The following BRAF variants were observed in gnomAD, a reference collection of about 807,000 sequenced individuals.
The protein encoded by BRAF is serine/threonine-protein kinase B-raf.
In BRAF, 16 loss-of-function variants were observed where a neutral mutation model predicts 104.6. The ratio of observed to expected loss-of-function variants is 0.15; its 90% CI spans 0.10 to 0.23. BRAF has a LOEUF of 0.23. Among genes scored for constraint, BRAF ranks in the 10% least tolerant of loss-of-function variants. BRAF has a pLI of 1.00. For synonymous variants in BRAF, 310 were observed against 341.6 expected (o/e 0.91, Z 1.02); for missense variants, 541 against 937.3 (o/e 0.58, Z 5.52).
intron 3 of BRAF, among the ~76,000 whole-genome samples, chr7:140,827,923 T>TA (rs1314590401): frequency 3.9e-5 from 6 of 152,034 alleles, no homozygotes; most frequent in African/African-American, 1.2e-4. Flanking sequence ...TGAGATGGAG[T>TA]TTTGCTCTTG....
chr7:140,842,180 T>A (rs575721845), intron 2 of BRAF, among the ~76,000 whole-genome samples: 1 of 152,198 alleles, frequency 6.6e-6, no homozygotes, highest in Admixed American at 6.5e-5. Flanking sequence ...GTAAGAATGA[T>A]ACGGTGATTA....
intron 1 of BRAF, among the ~76,000 whole-genome samples, chr7:140,921,492 T>C (rs1206783579): frequency 1.3e-5 from 2 of 152,064 alleles, no homozygotes; most frequent in Non-Finnish European, 2.9e-5. Flanking sequence ...TTGATGGCAG[T>C]AAAAAATTAA....
chr7:140,797,201 C>T (rs1412908340), intron 7 of BRAF, among the ~76,000 whole-genome samples: 3 of 152,090 alleles, frequency 2.0e-5, no homozygotes, highest in Non-Finnish European at 4.4e-5. Context: ...AGCAAATTAC[C>T]AGTTAGTTTA....
At position 140,734,797 on chromosome 7, in the gene BRAF, G is replaced by GAAAAAAAAAAAAAAAAAAAAAA. The variant is rs60814637; in HGVS notation, c.2248-28_2248-27insTTTTTTTTTTTTTTTTTTTTTT. 35 of 1,130,006 alleles carry GAAAAAAAAAAAAAAAAAAAAAA rather than the reference G, an allele frequency of 3.1e-5. 1 individual carries two copies. The highest frequency in any genetic ancestry group is 1.1e-4 in the South Asian group (6 of 54,528). 70.0% of individuals were successfully genotyped at this position (1,130,006 alleles called of 1,614,324 possible). A position where few individuals can be genotyped will look rare whatever the true frequency, so the allele number is the denominator to read the frequency against. On this transcript the variant is annotated intron_variant, in intron 18 of 19. Transcript: ENST00000644969. ...TACAAAAAAAAAAAGAAAAAAAAAA[G>GAAAAAAAAAAAAAAAAAAAAAA]AAAAAAAAAGAAAAAAGAAAAAAAA...
At chr7:140,829,832 G>A (rs918495947) in intron 3 of BRAF, among the ~76,000 whole-genome samples, 5 of 152,116 alleles carry the variant, frequency 3.3e-5, no homozygotes, top group African/African-American at 1.2e-4. Context: ...CTGAAGGCTG[G>A]TTTTTGTTTA....
At chr7:140,780,019 CTCAATTA>C (rs1800710192) in intron 12 of BRAF, 1 of 152,116 alleles carries the variant, frequency 6.6e-6, no homozygotes, top group African/African-American at 2.4e-5. Flanking sequence ...ATTGATTTTC[CTCAATTA>C]TCAAAGTAAT....
intron 1 of BRAF, among the ~76,000 whole-genome samples, chr7:140,879,638 C>T (rs1021656114): frequency 1.5e-4 from 22 of 150,400 alleles, no homozygotes; most frequent in African/African-American, 4.9e-4. Flanking sequence ...AAGGAGTCAT[C>T]ATTTTTGTGT....
In BRAF at chr7:140,723,168, TAC is replaced by T; in HGVS notation, c.*3324_*3325del. 1 of 1,053,630 alleles carries T rather than the reference TAC, an allele frequency of 9.5e-7. No homozygotes were observed. The allele number at this position is 1,053,630 out of a possible 1,614,324, so 65.3% of individuals were successfully genotyped here. On this transcript the variant is annotated 3_prime_UTR_variant, in exon 20 of 20. Transcript: ENST00000644969. ...TTTGCAAGCAGCTGGCGGGTGGATG[TAC>T]AGTGGGGACAGGTGAGATCTGAGGA... is the stretch of plus-strand genomic sequence containing the variant.
chr7:140,919,180 T>C (rs1390143315), intron 1 of BRAF, among the ~76,000 whole-genome samples: 5 of 151,296 alleles, frequency 3.3e-5, no homozygotes, highest in Non-Finnish European at 7.4e-5. Flanking sequence ...TTATTTACAA[T>C]GATAGAATGT....
At position 140,762,888 on chromosome 7, in the gene BRAF, G is replaced by C. The variant is rs574706551; in HGVS notation, c.1815-8655C>G. Among the ~76,000 whole-genome samples the C allele has an allele frequency of 2.6e-5, 4 of 152,306 alleles. No individual in the cohort carries two copies. In the East Asian group the frequency reaches 7.7e-4, roughly 29 times the overall value. The stretch of plus-strand genomic sequence containing the variant: ...CCCTTAATCCATTTAACCCTGAGTG[G>C]ACACAGCACATGTTTCAGAGGGCAC... On this transcript the variant is annotated intron_variant, in intron 14 of 19. Transcript: ENST00000644969.
intron 2 of BRAF, among the ~76,000 whole-genome samples, chr7:140,845,828 C>T (rs1443055472): frequency 6.6e-6 from 1 of 152,004 alleles, no homozygotes; most frequent in East Asian, 1.9e-4. Flanking sequence ...CAGGTGCGCA[C>T]CACTACACAC....
In BRAF at chr7:140,850,186, C is replaced by T. The variant is rs1431376574; in HGVS notation, c.165G>A (p.Lys55=). 1.9e-6 allele frequency: 3 copies of T among 1,610,974 alleles called. No homozygotes were observed. Among genetic ancestry groups the T allele is most frequent in the East Asian group, 2.2e-5 (1 of 44,720 alleles). The change falls in exon 2 of 20, where the codon AAG becomes AAA. Residue 55 remains lysine, a synonymous_variant. Coordinates refer to ENST00000644969, the MANE Select transcript of BRAF (RefSeq NM_001374258.1). ...EEVWNIKQMI[K]LTQEHIEALL... ...GGGCCTCTATATGTTCCTGTGTCAA[C>T]TTAATCATTTGTTTGATATTCCACA... is the stretch of plus-strand genomic sequence containing the variant.
rs2129153403 is a variant in BRAF, at chr7:140,924,666, T to A, written c.38A>T (p.Glu13Val). ...ALSGGGGGGAEPGQALFNGDM... is the reference protein window; with the variant it reads ...ALSGGGGGGAVPGQALFNGDM... ...CCCGTTGAACAGAGCCTGGCCCGGCTCCGCGCCGCCACCACCGCCACCGCT... is the reference window on the plus strand; with the variant it reads ...CCCGTTGAACAGAGCCTGGCCCGGCACCGCGCCGCCACCACCGCCACCGCT... Residue 13 changes from glutamate to valine, a missense_variant, in exon 1 of 20, where the codon GAG (glutamate) becomes GTG (valine). Around this residue, in one of 10 missense-constraint regions of BRAF, gnomAD observed 82 missense variants for 65.9 expected, o/e 1.24. Transcript: ENST00000644969. This position sits in a 1 kb window ranked among gnomAD's most constrained non-coding sequence, Gnocchi z 4.2. The A allele has an allele frequency of 7.5e-7, 1 of 1,326,120 alleles. No homozygotes were observed. Among genetic ancestry groups the A allele is most frequent in the Non-Finnish European group, 1.0e-6 (1 of 969,684 alleles). 82.1% of individuals were successfully genotyped at this position (1,326,120 alleles called of 1,614,324 possible).
At chr7:140,726,616 A>G in intron 19 of BRAF, 3 of 1,064,410 alleles carry the variant, frequency 2.8e-6, no homozygotes, top group Non-Finnish European at 4.1e-6. Flanking sequence ...GTAACTAGTT[A>G]TATATTTCAA....
chr7:140,834,230 T>C (rs1807081565), intron 3 of BRAF: 1 of 324,636 alleles, frequency 3.1e-6, no homozygotes, highest in African/African-American at 2.1e-5. Context: ...CACTGAACGT[T>C]CAACATCTGA....
chr7:140,757,613 G>C (rs1798315007), intron 14 of BRAF, among the ~76,000 whole-genome samples: 1 of 152,046 alleles, frequency 6.6e-6, no homozygotes, highest in Admixed American at 6.6e-5. Flanking sequence ...TTGTAGACAT[G>C]GTCTATAATT....
intron 1 of BRAF, among the ~76,000 whole-genome samples, chr7:140,853,264 T>C (rs1443849300): frequency 3.3e-5 from 5 of 150,304 alleles, no homozygotes; most frequent in Admixed American, 6.6e-5. Flanking sequence ...TGTGTGCCTG[T>C]GGTCCCAGAG....
rs397507463 is a variant in BRAF, at chr7:140,834,714, T to C, written c.399A>G (p.Ser133=). 6.1e-5 allele frequency: 98 copies of C among 1,613,944 alleles called. No individual in the cohort carries two copies. Among genetic ancestry groups the C allele is most frequent in the Non-Finnish European group, 1.8e-5 (21 of 1,179,984 alleles). Residue 133 remains serine (S), a synonymous_variant, in exon 3 of 20, where the codon TCA becomes TCG. Transcript: ENST00000644969. ...SSSSSLSVLP[S]SLSVFQNPTD... Reference sequence around the variant, plus strand: ...TGGGATTTTGAAAAACTGAAAGAGATGAAGGTAGCACTGAAAGGCTAGAAG... The same window carrying C: ...TGGGATTTTGAAAAACTGAAAGAGACGAAGGTAGCACTGAAAGGCTAGAAG...
At chr7:140,899,940 G>C (rs1373158156) in intron 1 of BRAF, among the ~76,000 whole-genome samples, 1 of 152,180 alleles carries the variant, frequency 6.6e-6, no homozygotes, top group African/African-American at 2.4e-5. Context: ...CATCTTGGGT[G>C]TTTTCTCTTA....
Sources: gnomAD v4.1 joint callset for allele counts (sites outside exome capture counted in the v4.1 genomes callset) on GRCh38, gnomAD v4.1.1 for gene constraint, gnomAD v4.1.1 regional missense constraint, Gnocchi (gnomAD v3.1) non-coding constraint, MANE v1.5 for transcripts, NCBI Gene and HGNC (gene_info 2026-07-23, HGNC 2026-07-21) for gene names.